The following CBFA2T3 variants were observed in gnomAD, a reference collection of about 807,000 sequenced individuals.
The protein encoded by CBFA2T3 is transcriptional corepressor CBFA2T3.
CBFA2T3 carries 31 observed loss-of-function variants against 58.6 expected under a neutral mutation model. The observed-to-expected ratio is 0.53, with a 90% confidence interval of 0.40 to 0.71. CBFA2T3 has a LOEUF of 0.71. CBFA2T3 is among the 30% of genes least tolerant of loss of function. The pLI, the probability that CBFA2T3 is intolerant of heterozygous loss-of-function variation, is 0.00. For synonymous variants in CBFA2T3, 531 were observed against 421.9 expected, an observed-to-expected ratio of 1.26 and a Z score of -3.17; for missense variants, 1,076 against 963.1, an observed-to-expected ratio of 1.12 and a Z score of -1.55.
At chr16:88,924,225 C>A (rs1971013046) in intron 1 of CBFA2T3, among the ~76,000 whole-genome samples, 1 of 152,190 alleles carries the variant, frequency 6.6e-6, no homozygotes, top group Non-Finnish European at 1.5e-5. Context: ...GAGTGAAGAT[C>A]TGCCCTCTCT....
chr16:88,886,397 T>G (rs1339534049), intron 5 of CBFA2T3: 1 of 369,522 alleles, frequency 2.7e-6, no homozygotes, highest in African/African-American at 2.1e-5. Context: ...ATGTGGGACT[T>G]GAGCCCAGAT....
chr16:88,948,631 G>A (rs1971967958), intron 1 of CBFA2T3, among the ~76,000 whole-genome samples: 1 of 152,228 alleles, frequency 6.6e-6, no homozygotes, highest in African/African-American at 2.4e-5. Flanking sequence ...CATCGGCATC[G>A]CTGCTTTTGC....
chr16:88,890,945 C>T (rs11076733), intron 5 of CBFA2T3, among the ~76,000 whole-genome samples: 34,176 of 152,014 alleles, frequency 0.22, 4,180 homozygotes, highest in East Asian at 0.45. Flanking sequence ...AACTCCTGGC[C>T]TCAAGCAATC....
At chr16:88,967,885 G>A (rs1476133545) in intron 1 of CBFA2T3, among the ~76,000 whole-genome samples, 6 of 152,226 alleles carry the variant, frequency 3.9e-5, no homozygotes, top group Non-Finnish European at 5.9e-5. Context: ...GTGTGGAGGC[G>A]CCCACCCTCC....
At chr16:88,887,655 TG>T (rs1969435506) in intron 5 of CBFA2T3, among the ~76,000 whole-genome samples, 1 of 151,606 alleles carries the variant, frequency 6.6e-6, no homozygotes, top group Non-Finnish European at 1.5e-5. Context: ...CGGAATGGGG[TG>T]GGGACTGTGG....
chr16:88,875,846 G>T lies in CBFA2T3; in HGVS notation c.*1130C>A. The T allele has an allele frequency of 4.3e-6, 1 of 233,376 alleles. No homozygotes were observed. The highest frequency in any genetic ancestry group is 8.5e-6 in the Non-Finnish European group (1 of 117,966). The allele number at this position is 233,376 out of a possible 1,614,324, so 14.5% of individuals were successfully genotyped here. On this transcript the variant is annotated 3_prime_UTR_variant, in exon 12 of 12. Transcript: ENST00000268679. ...CAAGTGGAAAACGGAAATATGAAAAGTCACAGGGGGCGTGAGGACAGACGG... is the reference window on the plus strand; with the variant it reads ...CAAGTGGAAAACGGAAATATGAAAATTCACAGGGGGCGTGAGGACAGACGG...
At chr16:88,903,464 G>A (rs1273913395) in intron 1 of CBFA2T3, among the ~76,000 whole-genome samples, 7 of 152,154 alleles carry the variant, frequency 4.6e-5, no homozygotes, top group African/African-American at 9.7e-5. Context: ...CCGCACAGCC[G>A]CTGACCTCCC....
intron 1 of CBFA2T3, among the ~76,000 whole-genome samples, chr16:88,926,808 C>T (rs970887859): frequency 6.6e-6 from 1 of 152,186 alleles, no homozygotes; most frequent in Non-Finnish European, 1.5e-5. Flanking sequence ...CTCGGTGCAC[C>T]GTGGGCTCCC....
rs555653038 is a variant in CBFA2T3, at chr16:88,935,187, CG to C, written c.152-33532del. 1.9e-3 allele frequency among the ~76,000 whole-genome samples: 296 copies of C among 152,342 alleles called. 4 individuals carry two copies. Among genetic ancestry groups the C allele is most frequent in the African/African-American group, 7.0e-3 (292 of 41,584 alleles). ...CGGCCCAGAGACCCAACGCTGCCCC[CG>C]GTCAGGGGCAGTCCTGGGTTCTGAT... is the stretch of plus-strand genomic sequence containing the variant. On this transcript the variant is annotated intron_variant, in intron 1 of 11. Coordinates refer to ENST00000268679, the MANE Select transcript of CBFA2T3 (RefSeq NM_005187.6).
intron 2 of CBFA2T3, among the ~76,000 whole-genome samples, chr16:88,900,402 C>T (rs116010560): frequency 0.045 from 6,864 of 152,346 alleles, 226 homozygotes; most frequent in African/African-American, 0.089. Flanking sequence ...TGGCCAAAGC[C>T]CTCGGCGGAG....
rs961032572 is a variant in CBFA2T3, at chr16:88,958,191, G to A, written c.151+18466C>T. On this transcript the variant is annotated intron_variant, in intron 1 of 11. Coordinates refer to ENST00000268679, the MANE Select transcript of CBFA2T3 (RefSeq NM_005187.6). This position sits in a 1 kb window ranked among gnomAD's most constrained non-coding sequence, Gnocchi z 4.0. ...TGGTCAGGCTGTCGGGGCCTCAGACGGCAGAAACCTATCCCGAGAGGAAAG... is the reference window on the plus strand; with the variant it reads ...TGGTCAGGCTGTCGGGGCCTCAGACAGCAGAAACCTATCCCGAGAGGAAAG... Among the ~76,000 whole-genome samples the A allele has an allele frequency of 2.0e-5, 3 of 152,186 alleles. No individual in the cohort carries two copies. Among genetic ancestry groups the A allele is most frequent in the Non-Finnish European group, 2.9e-5 (2 of 68,046 alleles).
At chr16:88,921,734 T>C (rs1970928084) in intron 1 of CBFA2T3, among the ~76,000 whole-genome samples, 1 of 152,244 alleles carries the variant, frequency 6.6e-6, no homozygotes, top group African/African-American at 2.4e-5. Context: ...TGCCATTTCC[T>C]GAGCCGTACA....
chr16:88,928,154 G>A lies in CBFA2T3; in HGVS notation c.152-26498C>T, dbSNP rs114184334. ...GGGCTCTGTTCCGACTCCTTGGCCC[G>A]AGGGTCTCTGAGCACCACCAGGGTT... On this transcript the variant is annotated intron_variant, in intron 1 of 11. Transcript: ENST00000268679. Among the ~76,000 whole-genome samples, 1,476 of 152,332 alleles carry A rather than the reference G, an allele frequency of 9.7e-3. 15 individuals are homozygous for A. The highest frequency in any genetic ancestry group is 0.034 in the African/African-American group (1,411 of 41,578).
At chr16:88,959,445 C>T (rs35488069) in intron 1 of CBFA2T3, among the ~76,000 whole-genome samples, 20,258 of 152,204 alleles carry the variant, frequency 0.13, 1,582 homozygotes, top group Middle Eastern at 0.22. Context: ...TGAGGAGGCC[C>T]GGGCACCAAG....
At chr16:88,970,041 A>G (rs957696396) in intron 1 of CBFA2T3, among the ~76,000 whole-genome samples, 1 of 152,136 alleles carries the variant, frequency 6.6e-6, no homozygotes, top group African/African-American at 2.4e-5. Flanking sequence ...CCTCGTCTCC[A>G]CAAAGGGGGC....
intron 1 of CBFA2T3, chr16:88,941,179 C>A: frequency 2.0e-6 from 2 of 982,894 alleles, no homozygotes; most frequent in Non-Finnish European, 2.4e-6. Flanking sequence ...CGCGGCGGGG[C>A]TGGGGCGCGC....
chr16:88,898,092 G>C lies in CBFA2T3; in HGVS notation c.365C>G (p.Ser122Cys), dbSNP rs893666351. 2.5e-6 allele frequency: 4 copies of C among 1,608,418 alleles called. No homozygotes were observed. Among genetic ancestry groups the C allele is most frequent in the Admixed American group, 1.7e-5 (1 of 59,938 alleles). The change falls in exon 3 of 12, where the codon TCT (serine) becomes TGT (cysteine). Residue 122 changes from serine (S) to cysteine (C), a missense_variant. Transcript: ENST00000268679. Reference sequence around the variant, plus strand: ...ATTTTACTTACAGAGACAGACCATAGACCATTTTAAGCAGCCATGAAAACG... The same window carrying C: ...ATTTTACTTACAGAGACAGACCATACACCATTTTAAGCAGCCATGAAAACG... ...HGRFHGCLKWSMVCLLMNGSS... is the reference protein window; with the variant it reads ...HGRFHGCLKWCMVCLLMNGSS...
chr16:88,946,019 C>G (rs1971892684), intron 1 of CBFA2T3, among the ~76,000 whole-genome samples: 1 of 152,158 alleles, frequency 6.6e-6, no homozygotes, highest in Non-Finnish European at 1.5e-5. Context: ...GGAAAGTGAA[C>G]ATTGATGGCC....
Position 88,968,593 on chromosome 16 carries a change from T to A in CBFA2T3, c.151+8064A>T, listed in dbSNP as rs74033227. Among the ~76,000 whole-genome samples the A allele has an allele frequency of 5.7e-3, 865 of 152,272 alleles. 9 individuals carry two copies. The highest frequency in any genetic ancestry group is 0.02 in the African/African-American group (816 of 41,548). On this transcript the variant is annotated intron_variant, in intron 1 of 11. Coordinates refer to ENST00000268679, the MANE Select transcript of CBFA2T3 (RefSeq NM_005187.6). ...TAGAACACGTGGTCCCAACCCTTGGTCTAGAATATGCTGCCGTGTTGGAGG... is the reference window on the plus strand; with the variant it reads ...TAGAACACGTGGTCCCAACCCTTGGACTAGAATATGCTGCCGTGTTGGAGG...
Sources: gnomAD v4.1 joint callset for allele counts (sites outside exome capture counted in the v4.1 genomes callset) on GRCh38, gnomAD v4.1.1 for gene constraint, Gnocchi (gnomAD v3.1) non-coding constraint, MANE v1.5 for transcripts, NCBI Gene and HGNC (gene_info 2026-07-23, HGNC 2026-07-21) for gene names.